PROM1: variants seen among roughly 807,000 people sequenced by gnomAD.
PROM1 encodes the protein prominin 1.
In PROM1, 105 loss-of-function variants were observed where a neutral mutation model predicts 116.9. That is an observed-to-expected ratio of 0.90 (90% confidence interval 0.77 to 1.06). The LOEUF (loss-of-function observed/expected upper bound fraction) is 1.06. PROM1 is among the 50% of genes least tolerant of loss of function. The probability of loss-of-function intolerance (pLI) is 0.00; values close to 1 mark genes in which losing one functional copy is unlikely to be tolerated. For missense variants in PROM1, 1,122 were observed against 1,045.2 expected, an observed-to-expected ratio of 1.07 and a Z score of -1.01; for synonymous variants, 393 against 387.0, an observed-to-expected ratio of 1.02 and a Z score of -0.18.
At chr4:15,980,348 C>A in intron 24 of PROM1, 74 bp downstream of exon 24, 1 of 955,902 alleles carries the variant, frequency 1.0e-6, no homozygotes, top group Non-Finnish European at 1.6e-6. Context: ...CATCAGAACT[C>A]ATCTTTAGCA....
chr4:15,980,715 G>A (rs374854589), intron 23 of PROM1, among the ~76,000 whole-genome samples, 178 bp from the exon 24 acceptor site: 1 of 150,672 alleles, frequency 6.6e-6, no homozygotes, highest in South Asian at 2.1e-4. Context: ...GAAGTGCTAC[G>A]CACATTGTTA....
chr4:16,066,983 T>A (rs1741690731), intron 2 of PROM1, among the ~76,000 whole-genome samples: 1 of 152,148 alleles, frequency 6.6e-6, no homozygotes, highest in Admixed American at 6.5e-5. Flanking sequence ...AGGCTAAAAG[T>A]CTACAGGATG....
chr4:15,999,674 A>G (rs564612519), intron 14 of PROM1, among the ~76,000 whole-genome samples: 3 of 152,302 alleles, frequency 2.0e-5, no homozygotes, highest in Admixed American at 1.3e-4. Flanking sequence ...CAAAAGGCCA[A>G]ATGGAGATCA....
chr4:16,017,833 T>G (rs1432306544), intron 9 of PROM1, among the ~76,000 whole-genome samples: 3 of 151,890 alleles, frequency 2.0e-5, no homozygotes, highest in African/African-American at 7.3e-5. Context: ...AAAAAAAAAG[T>G]GAGGTGTGTA....
chr4:16,012,891 AC>A (rs1355487062), intron 11 of PROM1, among the ~76,000 whole-genome samples: 39 of 144,226 alleles, frequency 2.7e-4, no homozygotes, highest in African/African-American at 7.1e-4. Context: ...AAAAAAAAAA[AC>A]AACAAACTTT....
intron 25 of PROM1, 24 bp downstream of exon 25, chr4:15,979,857 T>C (rs1217703650): frequency 6.9e-7 from 1 of 1,439,788 alleles, no homozygotes; most frequent in East Asian, 2.5e-5. Context: ...CATCTAGGAA[T>C]ATAGTTTTTT....
In PROM1 at chr4:16,057,050, C is replaced by G. The variant is rs183256933; in HGVS notation, c.221-18049G>C. Among the ~76,000 whole-genome samples the G allele has an allele frequency of 2.4e-3, 369 of 152,318 alleles. 3 individuals are homozygous for G. Among genetic ancestry groups the G allele is most frequent in the Admixed American group, 7.1e-3 (109 of 15,290 alleles). ...AGCTGTCATTTCTGAAGTCAGGGAG[C>G]TATTTACTTGAATTTCAGAAGGAGA... is the stretch of plus-strand genomic sequence containing the variant. On this transcript the variant is annotated intron_variant, in intron 2 of 27. Coordinates refer to ENST00000447510, the MANE Select transcript of PROM1 (RefSeq NM_006017.3).
At chr4:16,079,198 A>G (rs78824243) in intron 1 of PROM1, 10,309 of 152,218 alleles carry the variant, frequency 0.068, 417 homozygotes, top group East Asian at 0.11. Flanking sequence ...ATTCCACCAA[A>G]CCTCAGCCCA....
At chr4:16,013,065 T>A (rs572027567) in intron 11 of PROM1, among the ~76,000 whole-genome samples, 3 of 152,186 alleles carry the variant, frequency 2.0e-5, no homozygotes, top group African/African-American at 4.8e-5. Flanking sequence ...CTGGCTGGGC[T>A]GGATGATGTT....
chr4:15,985,865 T>A, intron 21 of PROM1, 37 bp from the exon 22 acceptor site: 1 of 1,511,652 alleles, frequency 6.6e-7, no homozygotes, highest in East Asian at 2.3e-5. Flanking sequence ...AGCATTAAAA[T>A]GATGACAGCA....
At chr4:16,072,571 G>A (rs1743054993) in intron 2 of PROM1, among the ~76,000 whole-genome samples, 1 of 152,204 alleles carries the variant, frequency 6.6e-6, no homozygotes, top group South Asian at 2.1e-4. Flanking sequence ...AACTTTGGGA[G>A]GAACTTAGTT....
In PROM1 at chr4:15,979,419, C is replaced by A; in HGVS notation, c.2558G>T (p.Gly853Val). The change falls in exon 26 of 28, where the codon GGT becomes GTT. Residue 853 changes from glycine to valine, a missense_variant. Transcript: ENST00000447510. Reference sequence around the variant, plus strand: ...CCTTGTCATAACAGGATTGTGAATACCATATACATGATCTTTATGATAACC... The same window carrying A: ...CCTTGTCATAACAGGATTGTGAATAACATATACATGATCTTTATGATAACC... ...NNGYHKDHVY[G>V]IHNPVMTSPS... 1 of 1,613,470 alleles carries A rather than the reference C, an allele frequency of 6.2e-7. No individual in the cohort carries two copies. Among genetic ancestry groups the A allele is most frequent in the South Asian group, 1.1e-5 (1 of 91,008 alleles).
At chr4:15,977,234 CTTCTTAGAACAGAGAGTACT>C (rs1401912016) in intron 26 of PROM1, among the ~76,000 whole-genome samples, 1 of 152,194 alleles carries the variant, frequency 6.6e-6, no homozygotes, top group Non-Finnish European at 1.5e-5. Flanking sequence ...CTGGATGACT[CTTCTTAGAACAGAGAGTACT>C]TTCAGTGCCT....
intron 11 of PROM1, 149 bp from the exon 12 acceptor site, chr4:16,009,257 T>G: frequency 1.5e-6 from 1 of 677,334 alleles, no homozygotes; most frequent in Non-Finnish European, 2.5e-6. Flanking sequence ...TCAACAAGCA[T>G]GAATATAGCC....
At chr4:16,077,953 T>TGCACA (rs1644906569) in intron 1 of PROM1, 1 of 152,326 alleles carries the variant, frequency 6.6e-6, no homozygotes, top group Non-Finnish European at 1.5e-5. Flanking sequence ...ACCACACCGT[T>TGCACA]TGAGGCTGGA....
rs1424021894 is a variant in PROM1, at chr4:16,061,285, AAAC to A, written c.220+14399_220+14401del. Among the ~76,000 whole-genome samples the A allele has an allele frequency of 9.2e-5, 14 of 152,346 alleles. No homozygotes were observed. The East Asian group carries it at 9.6e-4, about 10-fold the overall frequency. ...GATGCATTATCAGCTGACTACAGAG[AAAC>A]AACAACAACGGAATGTCAACCCTGA... On this transcript the variant is annotated intron_variant, in intron 2 of 27. Transcript: ENST00000447510.
rs6830263 is a variant in PROM1, at chr4:15,978,831, C to T, written c.2582+564G>A. 2.8e-3 allele frequency among the ~76,000 whole-genome samples: 431 copies of T among 152,032 alleles called. 5 individuals are homozygous for T. Among genetic ancestry groups the T allele is most frequent in the African/African-American group, 9.8e-3 (406 of 41,462 alleles). On this transcript the variant is annotated intron_variant, in intron 26 of 27. Coordinates refer to ENST00000447510, the MANE Select transcript of PROM1 (RefSeq NM_006017.3). ...TCTTAGTAGAGCCTCAGAAGAGGACCGACCTCTGGCAAGCAAAGCTCAGAG... is the reference window on the plus strand; with the variant it reads ...TCTTAGTAGAGCCTCAGAAGAGGACTGACCTCTGGCAAGCAAAGCTCAGAG...
chr4:16,035,858 C>T, intron 3 of PROM1, 97 bp from the exon 4 acceptor site: 1 of 1,107,744 alleles, frequency 9.0e-7, no homozygotes, highest in South Asian at 1.3e-5. Context: ...TAACCAAGAA[C>T]ATTCATATCC....
intron 5 of PROM1, among the ~76,000 whole-genome samples, chr4:16,031,148 TTATAC>T (rs1732609413): frequency 6.6e-6 from 1 of 152,252 alleles, no homozygotes; most frequent in Admixed American, 6.5e-5. Context: ...TTTCCTGAAA[TTATAC>T]TATATGTATT....
Sources: allele counts gnomAD v4.1 joint callset (sites outside exome capture counted in the v4.1 genomes callset), GRCh38; gene constraint gnomAD v4.1.1; transcripts MANE v1.5; gene names NCBI Gene and HGNC (gene_info 2026-07-23, HGNC 2026-07-21).